The following CCT4 variants were observed in gnomAD, a reference collection of about 807,000 sequenced individuals.
CCT4 encodes chaperonin containing TCP1 subunit 4, also known as T-complex protein 1 subunit delta.
Under a neutral mutation model 62.5 loss-of-function variants are expected in CCT4, and 17 were observed. The ratio of observed to expected loss-of-function variants is 0.27; its 90% CI spans 0.19 to 0.41. CCT4 has a LOEUF of 0.41. Among genes scored for constraint, CCT4 ranks in the 10% least tolerant of loss-of-function variants. The pLI, the probability that CCT4 is intolerant of heterozygous loss-of-function variation, is 1.00. For synonymous variants in CCT4, 250 were observed against 229.9 expected, an observed-to-expected ratio of 1.09 and a Z score of -0.79; for missense variants, 592 against 659.2, an observed-to-expected ratio of 0.90 and a Z score of 1.12.
At position 61,868,738 on chromosome 2, in the gene CCT4, T is replaced by A. The variant is rs756195811; in HGVS notation, c.1606-32A>T. 32 of 1,505,970 alleles carry A rather than the reference T, an allele frequency of 2.1e-5. No individual in the cohort carries two copies. The South Asian group carries it at 3.6e-4, about 17-fold the overall frequency. The allele number at this position is 1,505,970 out of a possible 1,614,324, so 93.3% of individuals were successfully genotyped here. The stretch of plus-strand genomic sequence containing the variant: ...AGAGAAAAACTTAGATTTCAAAACC[T>A]GTAATGACAGAATTTTAAAGCTGGA... On this transcript the variant is annotated intron_variant, in intron 13 of 13. Coordinates refer to ENST00000394440, the MANE Select transcript of CCT4 (RefSeq NM_006430.4).
chr2:61,885,158 C>T (rs1043699063), intron 1 of CCT4, 86 bp from the exon 2 acceptor site: 1 of 1,006,984 alleles, frequency 9.9e-7, no homozygotes, highest in Non-Finnish European at 1.4e-6. Context: ...TCCAGGATGG[C>T]CTCAAACTCC....
intron 8 of CCT4, among the ~76,000 whole-genome samples, chr2:61,874,637 T>C (rs574673836): frequency 6.7e-6 from 1 of 149,790 alleles, no homozygotes; most frequent in Admixed American, 6.6e-5. Context: ...AGGAAAAAAG[T>C]GATCTGTCAA....
intron 8 of CCT4, among the ~76,000 whole-genome samples, chr2:61,874,473 G>T (rs892336752): frequency 6.6e-6 from 1 of 152,068 alleles, no homozygotes; most frequent in Non-Finnish European, 1.5e-5. Flanking sequence ...AGCCAGGCGT[G>T]GTGGCACGTG....
In CCT4 at chr2:61,873,041, A is replaced by G; in HGVS notation, c.1086T>C (p.Ala362=). The change falls in exon 10 of 14, where the codon GCT becomes GCC. Residue 362 remains alanine (A), a synonymous_variant. Transcript: ENST00000394440. ...TADMLGSAEL[A]EEVNLNGSGK... ...CAGAACCATTTAAATTGACCTCCTC[A>G]GCTAACTCAGCAGAACCCAGCATGT... The G allele has an allele frequency of 6.2e-7, 1 of 1,612,318 alleles. No individual in the cohort carries two copies. The highest frequency in any genetic ancestry group is 1.3e-5 in the African/African-American group (1 of 75,024).
At chr2:61,868,957 A>C in intron 13 of CCT4, 1 of 411,322 alleles carries the variant, frequency 2.4e-6, no homozygotes, top group South Asian at 2.5e-5. Context: ...CAACATGGTG[A>C]AACCCCGTCT....
rs780274730 is a variant in CCT4 at position 61,873,341 on chromosome 2, T to C, written c.918-48A>G. On this transcript the variant is annotated intron_variant, in intron 8 of 13. Transcript: ENST00000394440. ...ATGTCAATGCTAGATTAAAAAAATT[T>C]TGCTCTTCAAATGCCTTTAAGGTTT... 18 of 1,025,318 alleles carry C rather than the reference T, an allele frequency of 1.8e-5. 1 individual carries two copies. The highest frequency in any genetic ancestry group is 2.4e-5 in the Non-Finnish European group (16 of 675,136). 63.5% of individuals were successfully genotyped at this position (1,025,318 alleles called of 1,614,324 possible). A position where few individuals can be genotyped will look rare whatever the true frequency, so the allele number is the denominator to read the frequency against.
At chr2:61,872,745 G>A (rs1375921401) in intron 10 of CCT4, among the ~76,000 whole-genome samples, 157 bp from the exon 11 acceptor site, 1 of 152,194 alleles carries the variant, frequency 6.6e-6, no homozygotes, top group Non-Finnish European at 1.5e-5. Flanking sequence ...GACTAACACA[G>A]TGAAACCCCG....
At chr2:61,874,703 C>A (rs1668960692) in intron 8 of CCT4, among the ~76,000 whole-genome samples, 1 of 152,064 alleles carries the variant, frequency 6.6e-6, no homozygotes, top group Admixed American at 6.6e-5. Context: ...CCAAAAAGTA[C>A]CTCTAAATGA....
chr2:61,885,082 G>GT lies in CCT4; in HGVS notation c.128-11_128-10insA. ...ATAGCATCAGCAACCGCTGCAGATG[G>GT]GGGGGAAAAAAAAGAAAACAAATTA... On this transcript the variant is annotated splice_polypyrimidine_tract_variant and intron_variant, in intron 1 of 13. Coordinates refer to ENST00000394440, the MANE Select transcript of CCT4 (RefSeq NM_006430.4). 7.0e-7 allele frequency: 1 copy of GT among 1,436,038 alleles called. No individual in the cohort carries two copies. Among genetic ancestry groups the GT allele is most frequent in the Non-Finnish European group, 9.1e-7 (1 of 1,095,178 alleles). 89.0% of individuals were successfully genotyped at this position (1,436,038 alleles called of 1,614,324 possible). A position where few individuals can be genotyped will look rare whatever the true frequency, so the allele number is the denominator to read the frequency against.
In CCT4 at chr2:61,872,239, C is replaced by G; in HGVS notation, c.1334G>C (p.Gly445Ala). 1 of 1,613,690 alleles carries G rather than the reference C, an allele frequency of 6.2e-7. No individual in the cohort carries two copies. The highest frequency in any genetic ancestry group is 8.5e-7 in the Non-Finnish European group (1 of 1,179,694). Residue 445 changes from glycine (G) to alanine (A), a missense_variant, in exon 12 of 14, where the codon GGT (glycine) becomes GCT (alanine). Transcript: ENST00000394440. ...RLTEYSRTLS[G>A]MESYCVRAFA... ...AGCACGAACGCAGTAGGATTCCATA[C>G]CACTCAGTGTTCGTGAATATTCAGT...
chr2:61,885,112 T>C (rs760493659), intron 1 of CCT4, 40 bp from the exon 2 acceptor site: 66 of 789,330 alleles, frequency 8.4e-5, no homozygotes, highest in Middle Eastern at 3.0e-4. Context: ...AAATTAGAAC[T>C]TTTTTTTTTT....
intron 12 of CCT4, 128 bp downstream of exon 12, chr2:61,871,954 C>T (rs1204580025): frequency 7.9e-6 from 5 of 635,708 alleles, no homozygotes. Flanking sequence ...AATTAACATG[C>T]AGCAGGCCTC....
At chr2:61,883,955 T>C (rs538852282) in intron 2 of CCT4, among the ~76,000 whole-genome samples, 65 of 152,318 alleles carry the variant, frequency 4.3e-4, no homozygotes, top group African/African-American at 1.6e-3. Context: ...ACACAGTAAC[T>C]TTTTTCCTTT....
In CCT4 at chr2:61,876,970, T is replaced by G; in HGVS notation, c.727A>C (p.Lys243Gln). ...VSNSGITRVE[K>Q]AKIGLIQFCL... ...AACTGAATAAGCCCAATCTTGGCCT[T>G]TTCAACTCTGGTTATGCCAGAATTT... The change falls in exon 7 of 14, where the codon AAG becomes CAG. Residue 243 changes from lysine (K) to glutamine (Q), a missense_variant. By Grantham distance (53) the Lys-to-Gln change is moderately conservative (BLOSUM62 1). This residue lies in a region of CCT4 where 522 missense variants were observed against 571.2 expected (regional missense o/e 0.91). Transcript: ENST00000394440. The G allele has an allele frequency of 6.2e-7, 1 of 1,614,000 alleles. No homozygotes were observed. The highest frequency in any genetic ancestry group is 1.1e-5 in the South Asian group (1 of 91,078).
intron 4 of CCT4, among the ~76,000 whole-genome samples, chr2:61,879,515 T>C (rs1184159623): frequency 6.6e-6 from 1 of 150,938 alleles, no homozygotes; most frequent in African/African-American, 2.4e-5. Context: ...TGGGCTCAAT[T>C]GTTCTGCCAG....
chr2:61,882,240 A>C (rs1267414194), intron 3 of CCT4, among the ~76,000 whole-genome samples: 1 of 151,982 alleles, frequency 6.6e-6, no homozygotes. Context: ...GACTGATAGA[A>C]ATTTCTTTCT....
chr2:61,878,763 C>T (rs1394525212), intron 5 of CCT4, 106 bp downstream of exon 5: 1 of 699,242 alleles, frequency 1.4e-6, no homozygotes, highest in Non-Finnish European at 2.3e-6. Flanking sequence ...ATAACAGTTA[C>T]CTAGCCACTC....
chr2:61,879,150 TA>T (rs1186189081), intron 4 of CCT4, 139 bp from the exon 5 acceptor site: 1 of 608,076 alleles, frequency 1.6e-6, no homozygotes, highest in Non-Finnish European at 2.8e-6. Context: ...TCAGTTGTAA[TA>T]TAGTGGCTTG....
At chr2:61,884,889 G>C in intron 2 of CCT4, 131 bp downstream of exon 2, 2 of 709,432 alleles carry the variant, frequency 2.8e-6, no homozygotes, top group Non-Finnish European at 2.4e-6. Flanking sequence ...CCCTCCCAAA[G>C]TGCTGGGATT....
Sources: gnomAD v4.1 joint callset for allele counts (sites outside exome capture counted in the v4.1 genomes callset) on GRCh38, gnomAD v4.1.1 for gene constraint, gnomAD v4.1.1 regional missense constraint, MANE v1.5 for transcripts, NCBI Gene and HGNC (gene_info 2026-07-23, HGNC 2026-07-21) for gene names.